GULP1: variants seen among roughly 807,000 people sequenced by gnomAD.
GULP1 encodes GULP PTB domain containing engulfment adaptor 1, also known as PTB domain-containing engulfment adapter protein 1.
Under a neutral mutation model 40.9 loss-of-function variants are expected in GULP1, and 19 were observed. That is an observed-to-expected ratio of 0.46 (90% confidence interval 0.32 to 0.68). The LOEUF (loss-of-function observed/expected upper bound fraction) is 0.68. Among genes scored for constraint, GULP1 ranks in the 30% least tolerant of loss-of-function variants. The pLI is 0.03. For synonymous variants in GULP1, 119 were observed against 117.6 expected, an observed-to-expected ratio of 1.01 and a Z score of -0.08; for missense variants, 312 against 362.2, an observed-to-expected ratio of 0.86 and a Z score of 1.12.
intron 1 of GULP1, among the ~76,000 whole-genome samples, chr2:188,336,189 T>C (rs2042231376): frequency 6.6e-6 from 1 of 152,206 alleles, no homozygotes; most frequent in Admixed American, 6.5e-5. Context: ...ATGTCCTTTC[T>C]GCTCTGCCCT....
intron 2 of GULP1, among the ~76,000 whole-genome samples, chr2:188,385,606 A>C (rs923543986): frequency 1.3e-5 from 2 of 152,136 alleles, no homozygotes; most frequent in African/African-American, 4.8e-5. Context: ...TCAGACTGCA[A>C]ATTTTCTGAA....
At chr2:188,409,827 A>C (rs1273016938) in intron 2 of GULP1, among the ~76,000 whole-genome samples, 1 of 152,216 alleles carries the variant, frequency 6.6e-6, no homozygotes, top group African/African-American at 2.4e-5. Flanking sequence ...TAATAATGTA[A>C]TATAATACAA....
At chr2:188,491,252 T>C (rs2062359387) in intron 4 of GULP1, among the ~76,000 whole-genome samples, 1 of 151,884 alleles carries the variant, frequency 6.6e-6, no homozygotes, top group African/African-American at 2.4e-5. Context: ...GATTACAGTT[T>C]TGGAGGAAAA....
intron 6 of GULP1, among the ~76,000 whole-genome samples, chr2:188,539,253 T>C (rs1429303263): frequency 1.3e-5 from 2 of 152,136 alleles, no homozygotes; most frequent in East Asian, 3.8e-4. Flanking sequence ...TTTTTTCCTA[T>C]AGTGTTTAGC....
chr2:188,322,265 GAGTATAATTC>G (rs1268216963), intron 1 of GULP1, among the ~76,000 whole-genome samples: 1 of 151,918 alleles, frequency 6.6e-6, no homozygotes, highest in East Asian at 1.9e-4. Flanking sequence ...AATCATTATA[GAGTATAATTC>G]AGTATGCTGC....
chr2:188,510,434 C>T (rs186138555), intron 4 of GULP1, among the ~76,000 whole-genome samples: 7 of 151,948 alleles, frequency 4.6e-5, no homozygotes, highest in African/African-American at 9.7e-5. Context: ...TAGATTCCAG[C>T]GCACTTAAAT....
At chr2:188,515,092 G>GT (rs2065040201) in intron 4 of GULP1, among the ~76,000 whole-genome samples, 1 of 151,998 alleles carries the variant, frequency 6.6e-6, no homozygotes, top group Non-Finnish European at 1.5e-5. Context: ...GCATCTTATG[G>GT]TAAGTCCACA....
intron 2 of GULP1, among the ~76,000 whole-genome samples, chr2:188,402,417 A>G (rs145791549): frequency 0.011 from 1,661 of 152,232 alleles, 11 homozygotes; most frequent in Non-Finnish European, 0.015. Context: ...GCTGATGGCT[A>G]TGAAATAAGC....
intron 2 of GULP1, among the ~76,000 whole-genome samples, chr2:188,420,557 G>A (rs896875984): frequency 1.3e-5 from 2 of 152,242 alleles, no homozygotes; most frequent in African/African-American, 2.4e-5. Flanking sequence ...TTCTTGTCCC[G>A]TGACCAGGAG....
intron 1 of GULP1, among the ~76,000 whole-genome samples, chr2:188,332,670 G>A (rs184498718): frequency 1.3e-4 from 20 of 152,132 alleles, no homozygotes; most frequent in Admixed American, 9.2e-4. Context: ...GCTGAATGAG[G>A]GGAATCTTGA....
chr2:188,360,165 T>C (rs1377892367), intron 1 of GULP1, among the ~76,000 whole-genome samples: 2 of 152,098 alleles, frequency 1.3e-5, no homozygotes, highest in African/African-American at 4.8e-5. Flanking sequence ...TTCTACCTAC[T>C]TCATTCTTAG....
chr2:188,368,030 T>C (rs1574780316), intron 1 of GULP1, among the ~76,000 whole-genome samples: 1 of 152,160 alleles, frequency 6.6e-6, no homozygotes, highest in Non-Finnish European at 1.5e-5. Flanking sequence ...CCTTTCTGCT[T>C]TCTATCCCTT....
At chr2:188,399,568 A>T (rs1382691870) in intron 2 of GULP1, among the ~76,000 whole-genome samples, 2 of 151,962 alleles carry the variant, frequency 1.3e-5, no homozygotes, top group Non-Finnish European at 2.9e-5. Context: ...AAAGCCATCA[A>T]ACTGTCCAGG....
chr2:188,548,549 G>A (rs1382785311), intron 7 of GULP1, among the ~76,000 whole-genome samples: 1 of 152,022 alleles, frequency 6.6e-6, no homozygotes, highest in Non-Finnish European at 1.5e-5. Context: ...TAGCAAGGTT[G>A]TTTGTAGATA....
chr2:188,427,129 A>G (rs1043360841), intron 2 of GULP1, among the ~76,000 whole-genome samples: 22 of 152,174 alleles, frequency 1.4e-4, no homozygotes, highest in Admixed American at 1.2e-3. Flanking sequence ...TAAGGAGCAA[A>G]GTGTTCAAAA....
At chr2:188,391,703 T>C (rs1176135906) in intron 2 of GULP1, among the ~76,000 whole-genome samples, 3 of 152,026 alleles carry the variant, frequency 2.0e-5, no homozygotes, top group African/African-American at 7.2e-5. Context: ...TCAGGGGAAA[T>C]GCTTTAAACT....
At position 188,595,673 on chromosome 2, in the gene GULP1, T is replaced by C. The variant is rs1704314543; in HGVS notation, c.*1662T>C. On this transcript the variant is annotated 3_prime_UTR_variant, in exon 12 of 12. Coordinates refer to ENST00000409830, the MANE Select transcript of GULP1 (RefSeq NM_016315.4). ...AAGATTTATGTAATAGGTATATATT[T>C]AGTGGCCATTTATTATCAATGGTAA... 1 of 152,182 alleles carries C rather than the reference T, an allele frequency of 6.6e-6. No homozygotes were observed. The highest frequency in any genetic ancestry group is 2.4e-5 in the African/African-American group (1 of 41,418). 9.4% of individuals were successfully genotyped at this position (152,182 alleles called of 1,614,324 possible).
intron 1 of GULP1, among the ~76,000 whole-genome samples, chr2:188,325,694 C>A (rs974924442): frequency 1.3e-5 from 2 of 151,978 alleles, no homozygotes; most frequent in Non-Finnish European, 2.9e-5. Context: ...GGTAGTTTGA[C>A]TAATAGGGCA....
chr2:188,391,368 G>T (rs2050500742), intron 2 of GULP1, among the ~76,000 whole-genome samples: 1 of 151,850 alleles, frequency 6.6e-6, no homozygotes, highest in African/African-American at 2.4e-5. Flanking sequence ...AATTTTTGCA[G>T]CTATTGTAAA....
Sources: gnomAD v4.1 joint callset for allele counts (sites outside exome capture counted in the v4.1 genomes callset) on GRCh38, gnomAD v4.1.1 for gene constraint, MANE v1.5 for transcripts, NCBI Gene and HGNC (gene_info 2026-07-23, HGNC 2026-07-21) for gene names.